STX1A: variants seen among roughly 807,000 people sequenced by gnomAD.
The protein encoded by STX1A is syntaxin 1A.
STX1A carries 4 observed loss-of-function variants against 37.8 expected under a neutral mutation model. That is an observed-to-expected ratio of 0.11 (90% CI 0.05 to 0.24). The LOEUF (loss-of-function observed/expected upper bound fraction) is 0.24. STX1A is among the 10% of genes least tolerant of loss of function. STX1A has a pLI of 1.00. For synonymous variants in STX1A, 135 were observed against 147.4 expected (o/e 0.92, Z 0.61); for missense variants, 251 against 399.9 (o/e 0.63, Z 3.18).
intron 4 of STX1A, 150 bp from the exon 5 acceptor site, chr7:73,704,573 A>G: frequency 2.2e-6 from 2 of 917,564 alleles, no homozygotes; most frequent in South Asian, 1.6e-5. Flanking sequence ...CCGATGGAGG[A>G]GGGGCCTACA....
chr7:73,703,742 G>A lies in STX1A; in HGVS notation c.540+13C>T. ...GAGGGGGTCATGGCAGGAGGGATGGGGCCTACACTCACCCCAGAGGCAAAG... is the reference window on the plus strand; with the variant it reads ...GAGGGGGTCATGGCAGGAGGGATGGAGCCTACACTCACCCCAGAGGCAAAG... On this transcript the variant is annotated intron_variant, in intron 7 of 9. Transcript: ENST00000222812. 2 of 1,612,206 alleles carry A rather than the reference G, an allele frequency of 1.2e-6. No homozygotes were observed. The highest frequency in any genetic ancestry group is 1.7e-6 in the Non-Finnish European group (2 of 1,178,896).
rs1463688345 is a variant in STX1A, at chr7:73,706,402, G to A, written c.209-1178C>T. Among the ~76,000 whole-genome samples the A allele has an allele frequency of 6.6e-6, 1 of 152,124 alleles. No homozygotes were observed. Among genetic ancestry groups the A allele is most frequent in the East Asian group, 1.9e-4 (1 of 5,182 alleles). On this transcript the variant is annotated intron_variant, in intron 3 of 9. Coordinates refer to ENST00000222812, the MANE Select transcript of STX1A (RefSeq NM_004603.4). The surrounding 1 kb of genome is among the most constrained non-coding windows in gnomAD (Gnocchi z 4.6). ...GATGGCAGCCCCCAGAGGAGGCAGA[G>A]CCTGCCTTGCCCGGGAGAGCCCCCC...
In STX1A at chr7:73,699,411, G is replaced by A. The variant is rs958605136; in HGVS notation, c.*996C>T. 2 of 152,608 alleles carry A rather than the reference G, an allele frequency of 1.3e-5. No individual in the cohort carries two copies. The highest frequency in any genetic ancestry group is 2.4e-5 in the African/African-American group (1 of 41,434). 9.5% of individuals were successfully genotyped at this position (152,608 alleles called of 1,614,324 possible). A position where few individuals can be genotyped will look rare whatever the true frequency, so the allele number is the denominator to read the frequency against. Reference sequence around the variant, plus strand: ...CATCCCCTGCTGCATGCACTCGCATGCATCTCCCTGCCTGTCCACAAGGGA... The same window carrying A: ...CATCCCCTGCTGCATGCACTCGCATACATCTCCCTGCCTGTCCACAAGGGA... On this transcript the variant is annotated 3_prime_UTR_variant, in exon 10 of 10. Transcript: ENST00000222812.
intron 3 of STX1A, among the ~76,000 whole-genome samples, chr7:73,707,660 G>T (rs782204832): frequency 6.6e-6 from 1 of 152,242 alleles, no homozygotes; most frequent in African/African-American, 2.4e-5. Flanking sequence ...GGGGCTGGGC[G>T]TGGGGGCTCA....
Position 73,706,310 on chromosome 7 carries a change from A to G in STX1A, c.209-1086T>C, listed in dbSNP as rs1174142285. Among the ~76,000 whole-genome samples, 1 of 152,138 alleles carries G rather than the reference A, an allele frequency of 6.6e-6. No homozygotes were observed. The highest frequency in any genetic ancestry group is 1.5e-5 in the Non-Finnish European group (1 of 68,004). On this transcript the variant is annotated intron_variant, in intron 3 of 9. Coordinates refer to ENST00000222812, the MANE Select transcript of STX1A (RefSeq NM_004603.4). The surrounding 1 kb of genome is among the most constrained non-coding windows in gnomAD (Gnocchi z 4.6). The stretch of plus-strand genomic sequence containing the variant: ...GGCGCCTCATCCGTAGGAACAAAGG[A>G]AAAGTCGGTTACCAGCTGCTCTGAC...
At chr7:73,704,690 C>G (rs541102399) in intron 4 of STX1A, 197 of 559,814 alleles carry the variant, frequency 3.5e-4, no homozygotes, top group African/African-American at 3.4e-3. Context: ...CCACCCTATG[C>G]CTGGGTACCA....
In STX1A at chr7:73,717,837, T is replaced by A. The variant is rs536992244; in HGVS notation, c.30+1765A>T. Reference sequence around the variant, plus strand: ...TTCACAACCCCAGCTCCACTGGCTGTCCCCCAGTGTCAGCCAGGCCTGAGT... The same window carrying A: ...TTCACAACCCCAGCTCCACTGGCTGACCCCCAGTGTCAGCCAGGCCTGAGT... On this transcript the variant is annotated intron_variant, in intron 1 of 9. Coordinates refer to ENST00000222812, the MANE Select transcript of STX1A (RefSeq NM_004603.4). The surrounding 1 kb of genome is among the most constrained non-coding windows in gnomAD (Gnocchi z 4.1). 2.6e-3 allele frequency among the ~76,000 whole-genome samples: 395 copies of A among 152,122 alleles called. 2 individuals are homozygous for A. The highest frequency in any genetic ancestry group is 8.1e-3 in the South Asian group (39 of 4,812).
chr7:73,703,918 G>T, intron 6 of STX1A, 90 bp from the exon 7 acceptor site: 1 of 1,431,886 alleles, frequency 7.0e-7, no homozygotes, highest in Non-Finnish European at 9.4e-7. Flanking sequence ...CCAGGCCCGG[G>T]CTCCCCCCAG....
At position 73,717,564 on chromosome 7, in the gene STX1A, C is replaced by T. The variant is rs1177602661; in HGVS notation, c.30+2038G>A. Among the ~76,000 whole-genome samples the T allele has an allele frequency of 6.6e-6, 1 of 152,124 alleles. No individual in the cohort carries two copies. The highest frequency in any genetic ancestry group is 1.5e-5 in the Non-Finnish European group (1 of 68,010). ...GGCCCCACCAAGACTGACTGTCTCA[C>T]CCCACCCCGGGTGGGCTCCTGCCTG... On this transcript the variant is annotated intron_variant, in intron 1 of 9. Coordinates refer to ENST00000222812, the MANE Select transcript of STX1A (RefSeq NM_004603.4). The surrounding 1 kb of genome is among the most constrained non-coding windows in gnomAD (Gnocchi z 4.1).
chr7:73,717,704 G>A lies in STX1A; in HGVS notation c.30+1898C>T, dbSNP rs541001442. On this transcript the variant is annotated intron_variant, in intron 1 of 9. Coordinates refer to ENST00000222812, the MANE Select transcript of STX1A (RefSeq NM_004603.4). The surrounding 1 kb of genome is among the most constrained non-coding windows in gnomAD (Gnocchi z 4.1). ...TGGGGAGGGTGGGGGTGTCTGGAGC[G>A]GAAGCCTCAGACCATTCAAAGCAAA... 5.3e-5 allele frequency among the ~76,000 whole-genome samples: 8 copies of A among 152,308 alleles called. No homozygotes were observed. The highest frequency in any genetic ancestry group is 1.9e-4 in the East Asian group (1 of 5,184).
Position 73,699,896 on chromosome 7 carries a change from G to A in STX1A, c.*511C>T, listed in dbSNP as rs909445078. On this transcript the variant is annotated 3_prime_UTR_variant, in exon 10 of 10. Transcript: ENST00000222812. ...CATGGCAGCCTGAGCCTCCCTGGCA[G>A]TGATCAGCGACTGAGACTCAGAGCT... The A allele has an allele frequency of 1.2e-5, 2 of 170,396 alleles. No homozygotes were observed. The highest frequency in any genetic ancestry group is 4.8e-5 in the African/African-American group (2 of 42,032). The allele number at this position is 170,396 out of a possible 1,614,324, so 10.6% of individuals were successfully genotyped here.
intron 1 of STX1A, among the ~76,000 whole-genome samples, chr7:73,716,173 G>A (rs982707852): frequency 3.3e-5 from 5 of 152,262 alleles, no homozygotes; most frequent in African/African-American, 1.2e-4. Context: ...CATCGTTCAT[G>A]CTGGGAAACC....
Position 73,700,819 on chromosome 7 carries a change from C to T in STX1A, c.700G>A (p.Glu234Lys), listed in dbSNP as rs1798624008. 6.2e-7 allele frequency: 1 copy of T among 1,613,608 alleles called. No individual in the cohort carries two copies. Among genetic ancestry groups the T allele is most frequent in the African/African-American group, 1.3e-5 (1 of 74,874 alleles). Residue 234 changes from glutamate to lysine, a missense_variant, in exon 9 of 10, where the codon GAG (glutamate) becomes AAG (lysine). Glu to Lys is a moderately conservative substitution (Grantham distance 56). Coordinates refer to ENST00000222812, the MANE Select transcript of STX1A (RefSeq NM_004603.4). This position sits in a 1 kb window ranked among gnomAD's most constrained non-coding sequence, Gnocchi z 4.4. Reference protein sequence around the residue: ...ESQGEMIDRIEYNVEHAVDYV... With the variant: ...ESQGEMIDRIKYNVEHAVDYV... The stretch of plus-strand genomic sequence containing the variant: ...TCTACCGCGTGTTCCACATTGTACT[C>T]GATCCTGTCAATCATCTCTCCCTGC...
rs561690062 is a variant in STX1A, at chr7:73,699,848, A to C, written c.*559T>G. Reference sequence around the variant, plus strand: ...CCAGGACCCGATGGACTTTGCCCCTAGGCAGGGGAGGGAGCCTGGAGCCAT... The same window carrying C: ...CCAGGACCCGATGGACTTTGCCCCTCGGCAGGGGAGGGAGCCTGGAGCCAT... On this transcript the variant is annotated 3_prime_UTR_variant, in exon 10 of 10. Coordinates refer to ENST00000222812, the MANE Select transcript of STX1A (RefSeq NM_004603.4). The C allele has an allele frequency of 1.5e-4, 24 of 160,816 alleles. No homozygotes were observed. The highest frequency in any genetic ancestry group is 1.4e-3 in the Admixed American group (24 of 17,254). The allele number at this position is 160,816 out of a possible 1,614,324, so 10.0% of individuals were successfully genotyped here. A position where few individuals can be genotyped will look rare whatever the true frequency, so the allele number is the denominator to read the frequency against.
At chr7:73,713,867 C>T (rs1438397520) in intron 1 of STX1A, among the ~76,000 whole-genome samples, 2 of 152,202 alleles carry the variant, frequency 1.3e-5, no homozygotes, top group South Asian at 2.1e-4. Context: ...TGGAACCCTT[C>T]GCTGTGCAGG....
At chr7:73,707,208 T>G (rs1363998716) in intron 3 of STX1A, among the ~76,000 whole-genome samples, 2 of 152,198 alleles carry the variant, frequency 1.3e-5, no homozygotes, top group African/African-American at 4.8e-5. Context: ...GAAGGGCACC[T>G]ATGCCATCAG....
At position 73,702,684 on chromosome 7, in the gene STX1A, G is replaced by A; in HGVS notation, c.678+161C>T. ...CCATGCAGAGGACAGGGACCTTCGG[G>A]TCGGCAGGGCCCTGGCGGCAGTTTC... is the stretch of plus-strand genomic sequence containing the variant. On this transcript the variant is annotated intron_variant, in intron 8 of 9. Transcript: ENST00000222812. This position sits in a 1 kb window ranked among gnomAD's most constrained non-coding sequence, Gnocchi z 4.7. The A allele has an allele frequency of 8.1e-6, 12 of 1,490,570 alleles. No homozygotes were observed. Among genetic ancestry groups the A allele is most frequent in the Non-Finnish European group, 1.1e-5 (12 of 1,115,428 alleles). 92.3% of individuals were successfully genotyped at this position (1,490,570 alleles called of 1,614,324 possible). A position where few individuals can be genotyped will look rare whatever the true frequency, so the allele number is the denominator to read the frequency against.
intron 1 of STX1A, among the ~76,000 whole-genome samples, chr7:73,715,538 C>A (rs114164002): frequency 2.0e-5 from 3 of 152,130 alleles, no homozygotes; most frequent in Non-Finnish European, 2.9e-5. Context: ...GCTGGAACCA[C>A]GGGGAGCTGG....
rs542247554 is a variant in STX1A, at chr7:73,709,469, C to T, written c.31-347G>A. Reference sequence around the variant, plus strand: ...GCCGCTCTGTCTGGGCCCTCTGGGTCCCCTAGGCCCCTAGGACAGCTGCCT... The same window carrying T: ...GCCGCTCTGTCTGGGCCCTCTGGGTTCCCTAGGCCCCTAGGACAGCTGCCT... On this transcript the variant is annotated intron_variant, in intron 1 of 9. Coordinates refer to ENST00000222812, the MANE Select transcript of STX1A (RefSeq NM_004603.4). The surrounding 1 kb of genome is among the most constrained non-coding windows in gnomAD (Gnocchi z 4.2). Among the ~76,000 whole-genome samples the T allele has an allele frequency of 6.6e-6, 1 of 152,182 alleles. No individual in the cohort carries two copies. The highest frequency in any genetic ancestry group is 1.9e-4 in the East Asian group (1 of 5,180).
Sources: gnomAD v4.1 joint callset for allele counts (sites outside exome capture counted in the v4.1 genomes callset) on GRCh38, gnomAD v4.1.1 for gene constraint, Gnocchi (gnomAD v3.1) non-coding constraint, MANE v1.5 for transcripts, NCBI Gene and HGNC (gene_info 2026-07-23, HGNC 2026-07-21) for gene names.